The following VCF2 variants were observed in gnomAD, a reference collection of about 807,000 sequenced individuals.
VCF2 encodes protein VCF2.
the VCF2 span, among the ~76,000 whole-genome samples, chrX:55,156,944 A>G: frequency 1.8e-5 from 2 of 112,277 alleles, no homozygotes; most frequent in Non-Finnish European, 3.8e-5. Flanking sequence ...AGTGCTTGGG[A>G]TGTTTAGTAT....
chrX:55,145,957 C>G, the VCF2 span: 12 of 1,083,223 alleles, frequency 1.1e-5, no homozygotes, highest in East Asian at 2.7e-4. Flanking sequence ...AGTAAAACCC[C>G]AATTAAACAA....
the VCF2 span, among the ~76,000 whole-genome samples, chrX:55,148,116 T>C: frequency 2.7e-5 from 3 of 110,671 alleles, no homozygotes; most frequent in African/African-American, 9.8e-5. Context: ...GCTATAAAAA[T>C]AGTTAACAGA....
At chrX:55,150,687 T>C in the VCF2 span, among the ~76,000 whole-genome samples, 4 of 112,319 alleles carry the variant, frequency 3.6e-5, no homozygotes, top group Non-Finnish European at 7.5e-5. Context: ...TTGTCATTCA[T>C]AGTTGTTTTA....
At chrX:55,160,597 A>G in the VCF2 span, 1 of 423,258 alleles carries the variant, frequency 2.4e-6, no homozygotes, top group Middle Eastern at 6.5e-4. Context: ...ATTACGCTTT[A>G]ACAGTCTAAC....
At chrX:55,145,935 G>A in the VCF2 span, 1 of 1,059,286 alleles carries the variant, frequency 9.4e-7, no homozygotes, top group African/African-American at 1.9e-5. Flanking sequence ...CCCTTTAAAA[G>A]TACAACAGTG....
chrX:55,154,508 A>G, the VCF2 span, among the ~76,000 whole-genome samples: 1 of 112,509 alleles, frequency 8.9e-6, no homozygotes, highest in Non-Finnish European at 1.9e-5. Flanking sequence ...AAATAAAATT[A>G]TATTTATGAA....
the VCF2 span, chrX:55,159,196 T>C: frequency 2.1e-4 from 250 of 1,206,422 alleles, no homozygotes; most frequent in African/African-American, 3.8e-3. Flanking sequence ...GGAATGATGG[T>C]TGCCCTCTTT....
At chrX:55,151,765 G>A in the VCF2 span, among the ~76,000 whole-genome samples, 1 of 110,642 alleles carries the variant, frequency 9.0e-6, no homozygotes, top group Non-Finnish European at 1.9e-5. Flanking sequence ...AGTTTAGGCT[G>A]GATTCTAAAA....
chrX:55,146,256 G>A, the VCF2 span: 1 of 1,209,078 alleles, frequency 8.3e-7, no homozygotes, highest in African/African-American at 1.8e-5. Flanking sequence ...TGGTCCACTT[G>A]CTCTCTCTGG....
chrX:55,143,761 T>G, the VCF2 span: 4 of 1,110,948 alleles, frequency 3.6e-6, no homozygotes, highest in Non-Finnish European at 4.9e-6. Flanking sequence ...TTCTCCTTCA[T>G]AGCGGAGATA....
chrX:55,147,333 G>A, the VCF2 span, among the ~76,000 whole-genome samples: 1 of 111,648 alleles, frequency 9.0e-6, no homozygotes, highest in African/African-American at 3.2e-5. Flanking sequence ...GACAACCTAT[G>A]CTCATCTTTA....
At chrX:55,143,259 A>C in the VCF2 span, 1 of 112,030 alleles carries the variant, frequency 8.9e-6, no homozygotes, top group Non-Finnish European at 1.9e-5. Context: ...ATGTTACCAG[A>C]GGGAGAAACA....
At chrX:55,148,062 G>C in the VCF2 span, among the ~76,000 whole-genome samples, 1 of 110,554 alleles carries the variant, frequency 9.0e-6, no homozygotes, top group Non-Finnish European at 1.9e-5. Context: ...TTCTATATCA[G>C]AAGTCTTTAT....
chrX:55,151,812 C>A, the VCF2 span, among the ~76,000 whole-genome samples: 1 of 109,147 alleles, frequency 9.2e-6, no homozygotes, highest in Non-Finnish European at 1.9e-5. Flanking sequence ...ATAATGTTTT[C>A]ATTTTTTTTC....
At chrX:55,147,659 T>TTTTTA in the VCF2 span, among the ~76,000 whole-genome samples, 1 of 99,894 alleles carries the variant, frequency 1.0e-5, no homozygotes, top group Non-Finnish European at 2.0e-5. Context: ...TTTTTTTTTT[T>TTTTTA]GTTACAGTAC....
the VCF2 span, among the ~76,000 whole-genome samples, chrX:55,147,631 C>CTTTTTTTTT: frequency 1.5e-5 from 1 of 68,569 alleles, no homozygotes; most frequent in African/African-American, 5.0e-5. Context: ...GTTGGCTTTC[C>CTTTTTTTTT]TTGTTTTTTT....
the VCF2 span, among the ~76,000 whole-genome samples, chrX:55,156,611 A>G: frequency 8.9e-6 from 1 of 112,590 alleles, no homozygotes; most frequent in Non-Finnish European, 1.9e-5. Context: ...TTAGCAAGGT[A>G]ATGATATTCA....
chrX:55,156,014 C>T, the VCF2 span, among the ~76,000 whole-genome samples: 14 of 101,501 alleles, frequency 1.4e-4, no homozygotes, highest in African/African-American at 4.4e-4. Context: ...TGCAGTGGCA[C>T]GATCTTGGCT....
chrX:55,154,356 A>G, the VCF2 span, among the ~76,000 whole-genome samples: 3 of 112,431 alleles, frequency 2.7e-5, no homozygotes, highest in East Asian at 8.4e-4. Context: ...ATCCTCATAC[A>G]AATGTCTTAC....
Sources: gnomAD v4.1 joint callset for allele counts (sites outside exome capture counted in the v4.1 genomes callset) on GRCh38, gnomAD v4.1.1 for gene constraint, MANE v1.5 for transcripts, NCBI Gene and HGNC (gene_info 2026-07-23, HGNC 2026-07-21) for gene names.